LRIF1: variants seen among roughly 807,000 people sequenced by gnomAD.
The protein encoded by LRIF1 is ligand-dependent nuclear receptor-interacting factor 1.
In LRIF1, 32 loss-of-function variants were observed where a neutral mutation model predicts 52.7. The observed-to-expected ratio is 0.61, with a 90% CI of 0.46 to 0.82. The LOEUF (loss-of-function observed/expected upper bound fraction) is 0.82, where lower values mean the gene tolerates loss of function less well. LRIF1 is among the 40% of genes least tolerant of loss of function. The pLI is 0.00. For missense variants in LRIF1, 887 were observed against 892.0 expected (o/e 0.99, Z 0.07); for synonymous variants, 323 against 317.4 (o/e 1.02, Z -0.19).
the LRIF1 span, among the ~76,000 whole-genome samples, chr1:110,929,699 A>G: frequency 8.7e-4 from 132 of 152,282 alleles, no homozygotes; most frequent in African/African-American, 3.0e-3. Context: ...GAATGAGATC[A>G]TGTTTTTTGA....
chr1:110,882,416 A>T, the LRIF1 span, among the ~76,000 whole-genome samples: 10 of 152,016 alleles, frequency 6.6e-5, no homozygotes, highest in Non-Finnish European at 1.5e-4. Context: ...TATGGACTCT[A>T]TTCTGTTCTC....
chr1:110,900,081 T>G, the LRIF1 span, among the ~76,000 whole-genome samples: 1 of 152,346 alleles, frequency 6.6e-6, no homozygotes, highest in Non-Finnish European at 1.5e-5. Context: ...TCATGGTTTT[T>G]GTGGGTCAGG....
At chr1:110,950,351 G>A (rs1239987280) in intron 2 of LRIF1, among the ~76,000 whole-genome samples, 1 of 152,148 alleles carries the variant, frequency 6.6e-6, no homozygotes, top group Non-Finnish European at 1.5e-5. Context: ...CACTAGAAAG[G>A]TAATAAGTAG....
At chr1:110,884,091 C>T in the LRIF1 span, among the ~76,000 whole-genome samples, 1 of 151,958 alleles carries the variant, frequency 6.6e-6, no homozygotes, top group Admixed American at 6.6e-5. Context: ...TCTAGTTTCT[C>T]AAGATGCAAT....
At chr1:110,904,560 C>T in the LRIF1 span, among the ~76,000 whole-genome samples, 1 of 152,172 alleles carries the variant, frequency 6.6e-6, no homozygotes, top group East Asian at 1.9e-4. Flanking sequence ...TTCTATGAGT[C>T]CATAAGAACC....
At position 110,951,333 on chromosome 1, in the gene LRIF1, T is replaced by C. The variant is rs1305809391; in HGVS notation, c.1551A>G (p.Thr517=). ...IEKISSSVDA[T]TVTSQQCVFR... is the part of the protein sequence containing the mutation. ...AAACACACTGTTGTGAAGTAACAGT[T>C]GTTGCATCAACAGAGGAACTTATTT... The change falls in exon 2 of 4, where the codon ACA becomes ACG. Residue 517 remains threonine, a synonymous_variant. Coordinates refer to ENST00000369763, the MANE Select transcript of LRIF1 (RefSeq NM_018372.4). 6.2e-7 allele frequency: 1 copy of C among 1,614,006 alleles called. No homozygotes were observed. Among genetic ancestry groups the C allele is most frequent in the East Asian group, 2.2e-5 (1 of 44,886 alleles).
chr1:110,911,971 T>A, the LRIF1 span, among the ~76,000 whole-genome samples: 1 of 152,030 alleles, frequency 6.6e-6, no homozygotes, highest in African/African-American at 2.4e-5. Flanking sequence ...CTCTTACCAC[T>A]CCTATTCAGC....
At chr1:110,893,115 G>C in the LRIF1 span, among the ~76,000 whole-genome samples, 1 of 152,174 alleles carries the variant, frequency 6.6e-6, no homozygotes, top group South Asian at 2.1e-4. Context: ...GTACCTTAAG[G>C]CTTAGGTTTT....
rs1195491660 is a variant in LRIF1, at chr1:110,947,810, T to C, written c.*149A>G. 9.0e-7 allele frequency: 1 copy of C among 1,108,996 alleles called. No individual in the cohort carries two copies. The highest frequency in any genetic ancestry group is 1.6e-5 in the African/African-American group (1 of 63,426). The allele number at this position is 1,108,996 out of a possible 1,614,324, so 68.7% of individuals were successfully genotyped here. On this transcript the variant is annotated 3_prime_UTR_variant, in exon 4 of 4. Transcript: ENST00000369763. ...TCACAAGTCATATGTGAATCAACCT[T>C]TTCTGTATTCCTTAAAGTTGTACAA...
At chr1:110,952,852 A>T (rs750871660) in intron 1 of LRIF1, 37 bp from the exon 2 acceptor site, 2 of 1,172,124 alleles carry the variant, frequency 1.7e-6, no homozygotes, top group Admixed American at 4.8e-5. Context: ...ACAACATACT[A>T]CATGGTATAT....
At chr1:110,904,244 C>T in the LRIF1 span, among the ~76,000 whole-genome samples, 2 of 152,190 alleles carry the variant, frequency 1.3e-5, no homozygotes, top group Non-Finnish European at 2.9e-5. Flanking sequence ...TTGGCTTTGC[C>T]ATCTGTGATT....
the LRIF1 span, among the ~76,000 whole-genome samples, chr1:110,920,748 C>T: frequency 1.3e-3 from 204 of 152,250 alleles, no homozygotes; most frequent in African/African-American, 4.6e-3. Flanking sequence ...ATGATGGGGG[C>T]TGTCGATAGT....
chr1:110,956,626 T>C (rs1056550664), intron 1 of LRIF1, among the ~76,000 whole-genome samples: 4 of 152,086 alleles, frequency 2.6e-5, no homozygotes, highest in Admixed American at 1.3e-4. Flanking sequence ...CATCTAATAA[T>C]AAGTACTACA....
chr1:110,920,030 C>T, the LRIF1 span, among the ~76,000 whole-genome samples: 1 of 152,210 alleles, frequency 6.6e-6, no homozygotes, highest in South Asian at 2.1e-4. Flanking sequence ...GGCCCAAATC[C>T]AAAATGCAGA....
At chr1:110,957,622 C>T (rs1207394473) in intron 1 of LRIF1, among the ~76,000 whole-genome samples, 2 of 152,120 alleles carry the variant, frequency 1.3e-5, no homozygotes. Context: ...TGATGTCTTA[C>T]CAAACATTTT....
the LRIF1 span, chr1:110,894,944 G>A: frequency 3.1e-6 from 5 of 1,604,118 alleles, no homozygotes; most frequent in South Asian, 4.4e-5. Context: ...TCCTCTGCTG[G>A]AATGTGCCTG....
At chr1:110,888,193 A>C in the LRIF1 span, among the ~76,000 whole-genome samples, 1 of 152,218 alleles carries the variant, frequency 6.6e-6, no homozygotes, top group Non-Finnish European at 1.5e-5. Flanking sequence ...TGACCTTCAG[A>C]ACTGTAAAAT....
the LRIF1 span, among the ~76,000 whole-genome samples, chr1:110,916,650 T>C: frequency 6.6e-6 from 1 of 152,200 alleles, no homozygotes; most frequent in East Asian, 1.9e-4. Context: ...CCAAACTGTC[T>C]GTTTAAAAAA....
At chr1:110,889,428 G>A in the LRIF1 span, among the ~76,000 whole-genome samples, 4 of 152,104 alleles carry the variant, frequency 2.6e-5, no homozygotes, top group African/African-American at 4.8e-5. Context: ...GCGTGGTGAC[G>A]GGCGCCTGTA....
Sources: allele counts gnomAD v4.1 joint callset (sites outside exome capture counted in the v4.1 genomes callset), GRCh38; gene constraint gnomAD v4.1.1; transcripts MANE v1.5; gene names NCBI Gene and HGNC (gene_info 2026-07-23, HGNC 2026-07-21).